BEAN1: variants seen among roughly 807,000 people sequenced by gnomAD.
BEAN1 encodes the protein protein BEAN1.
Under a neutral mutation model 17.7 loss-of-function variants are expected in BEAN1, and 17 were observed. That is an observed-to-expected ratio of 0.96 (90% confidence interval 0.66 to 1.44). The LOEUF is 1.44. Among genes scored for constraint, BEAN1 ranks in the 40% most tolerant of loss-of-function variants. The pLI, the probability that BEAN1 is intolerant of heterozygous loss-of-function variation, is 0.00. For synonymous variants in BEAN1, 142 were observed against 151.8 expected, an observed-to-expected ratio of 0.94 and a Z score of 0.47; for missense variants, 359 against 374.1, an observed-to-expected ratio of 0.96 and a Z score of 0.33.
At chr16:66,474,743 GAGAAAGAA>G (rs199517876) in intron 3 of BEAN1, among the ~76,000 whole-genome samples, 26 of 151,704 alleles carry the variant, frequency 1.7e-4, no homozygotes, top group Admixed American at 7.3e-4. Flanking sequence ...AGAAAGGAAA[GAGAAAGAA>G]AGAAAGAAAG....
At chr16:66,466,861 G>A (rs541785090) in intron 2 of BEAN1, among the ~76,000 whole-genome samples, 6 of 152,300 alleles carry the variant, frequency 3.9e-5, no homozygotes, top group African/African-American at 1.2e-4. Flanking sequence ...GAGCCACTGC[G>A]CCCAGCCTGC....
Position 66,434,209 on chromosome 16 carries a change from C to T in BEAN1, c.-82-3386C>T, listed in dbSNP as rs1961921100. On this transcript the variant is annotated intron_variant, in intron 1 of 4. Transcript: ENST00000536005. The surrounding 1 kb of genome is among the most constrained non-coding windows in gnomAD (Gnocchi z 4.3). ...CCTAGCAGCTGGGGTGGGCCTGCCC[C>T]CGACCCCGACCCCAACCCCGACCCC... 1.3e-5 allele frequency among the ~76,000 whole-genome samples: 2 copies of T among 150,990 alleles called. No homozygotes were observed. Among genetic ancestry groups the T allele is most frequent in the African/African-American group, 4.9e-5 (2 of 40,820 alleles).
chr16:66,450,234 G>A (rs1017331651), intron 2 of BEAN1, among the ~76,000 whole-genome samples: 18 of 152,198 alleles, frequency 1.2e-4, no homozygotes, highest in African/African-American at 4.3e-4. Flanking sequence ...GAGAGCCGTG[G>A]GGATGGCAAG....
chr16:66,450,229 C>G (rs1292168990), intron 2 of BEAN1, among the ~76,000 whole-genome samples: 3 of 152,128 alleles, frequency 2.0e-5, no homozygotes, highest in African/African-American at 7.2e-5. Context: ...ATTACGAGAG[C>G]CGTGGGGATG....
intron 4 of BEAN1, among the ~76,000 whole-genome samples, chr16:66,479,545 A>AACACACAC (rs147401996): frequency 6.6e-6 from 1 of 151,466 alleles, no homozygotes; most frequent in Non-Finnish European, 1.5e-5. Flanking sequence ...TCCCCCTCCA[A>AACACACAC]ACACACACAC....
At chr16:66,483,438 G>T (rs1234550357), downstream of BEAN1, 1 of 153,184 alleles carries the variant, frequency 6.5e-6, no homozygotes, top group Non-Finnish European at 1.5e-5. Context: ...TACTCTAACA[G>T]GAGTTGGCTT....
rs560577711 is a variant in BEAN1 at position 66,436,266 on chromosome 16, C to CTTTT, written c.-82-1313_-82-1310dup. On this transcript the variant is annotated intron_variant, in intron 1 of 4. Transcript: ENST00000536005. The stretch of plus-strand genomic sequence containing the variant: ...GAGAATGGGCTACTTTTTTTCTTTT[C>CTTTT]TTTTTTTTTTTTTTTTTTTGAGACA... Among the ~76,000 whole-genome samples, 191 of 120,596 alleles carry CTTTT rather than the reference C, an allele frequency of 1.6e-3. 4 individuals carry two copies. Among genetic ancestry groups the CTTTT allele is most frequent in the South Asian group, 3.7e-3 (13 of 3,500 alleles). The allele number at this position is 120,596 out of a possible 152,430, so 79.1% of individuals were successfully genotyped here.
chr16:66,454,002 G>A (rs1962775694), intron 2 of BEAN1, among the ~76,000 whole-genome samples: 1 of 152,216 alleles, frequency 6.6e-6, no homozygotes, highest in East Asian at 1.9e-4. Context: ...CCAAAGTGCT[G>A]GGATTCCAGG....
chr16:66,488,829 A>G (rs1964125722), intron 4 of BEAN1, among the ~76,000 whole-genome samples: 1 of 152,190 alleles, frequency 6.6e-6, no homozygotes, highest in Non-Finnish European at 1.5e-5. Context: ...ATTCTCCCCA[A>G]AGGAACAAGC....
chr16:66,436,246 T>C (rs901486691), intron 1 of BEAN1, among the ~76,000 whole-genome samples: 8 of 151,074 alleles, frequency 5.3e-5, no homozygotes, highest in Admixed American at 2.0e-4. Flanking sequence ...CATGGGAGAA[T>C]GGGCTACTTT....
intron 2 of BEAN1, among the ~76,000 whole-genome samples, chr16:66,455,842 A>G (rs55976076): frequency 0.12 from 18,696 of 152,156 alleles, 1,316 homozygotes; most frequent in South Asian, 0.25. Context: ...ACACGCCACC[A>G]TGCCCAACTA....
At chr16:66,428,880 C>A (rs1188600777) in intron 1 of BEAN1, among the ~76,000 whole-genome samples, 1 of 152,136 alleles carries the variant, frequency 6.6e-6, no homozygotes, top group Non-Finnish European at 1.5e-5. Context: ...TAGGGCCCAC[C>A]CTTTCTCAGA....
At chr16:66,461,026 G>T (rs1377422942) in intron 2 of BEAN1, among the ~76,000 whole-genome samples, 1 of 152,136 alleles carries the variant, frequency 6.6e-6, no homozygotes, top group Admixed American at 6.5e-5. Flanking sequence ...ACTCATGCTG[G>T]CATTGGGGGG....
At chr16:66,457,841 GCCCTGCCATGTC>G (rs1962931816) in intron 2 of BEAN1, among the ~76,000 whole-genome samples, 1 of 151,140 alleles carries the variant, frequency 6.6e-6, no homozygotes, top group South Asian at 2.1e-4. Flanking sequence ...AATGAGCCCT[GCCCTGCCATGTC>G]CCCTCCCCCA....
chr16:66,441,740 C>T (rs1326772624), intron 2 of BEAN1, among the ~76,000 whole-genome samples: 1 of 152,176 alleles, frequency 6.6e-6, no homozygotes, highest in South Asian at 2.1e-4. Flanking sequence ...TGAGCGGCAC[C>T]AGCCCACCTG....
chr16:66,474,589 G>A (rs1317193943), intron 3 of BEAN1, among the ~76,000 whole-genome samples: 15 of 23,158 alleles, frequency 6.5e-4, no homozygotes, highest in East Asian at 1.6e-3. Flanking sequence ...AGAGAGGGAG[G>A]GAGGGAGGGA....
At chr16:66,448,832 AAAAG>A (rs998296397) in intron 2 of BEAN1, among the ~76,000 whole-genome samples, 6 of 152,314 alleles carry the variant, frequency 3.9e-5, no homozygotes, top group African/African-American at 7.2e-5. Context: ...AAAGAAAAGA[AAAAG>A]AAAGAAAGAA....
Position 66,481,280 on chromosome 16 carries a change from T to A in BEAN1, c.*355T>A. ...AGAGAGGCGAAGTAGGAAGTGGGAT[T>A]TTCTCTTCCCTCTCCTGGGCCCGTT... On this transcript the variant is annotated 3_prime_UTR_variant, in exon 5 of 5. Transcript: ENST00000536005. This position sits in a 1 kb window ranked among gnomAD's most constrained non-coding sequence, Gnocchi z 4.1. 2 of 399,452 alleles carry A rather than the reference T, an allele frequency of 5.0e-6. No individual in the cohort carries two copies. The highest frequency in any genetic ancestry group is 8.8e-6 in the Non-Finnish European group (2 of 226,682). The allele number at this position is 399,452 out of a possible 1,614,324, so 24.7% of individuals were successfully genotyped here. A position where few individuals can be genotyped will look rare whatever the true frequency, so the allele number is the denominator to read the frequency against.
intron 2 of BEAN1, among the ~76,000 whole-genome samples, chr16:66,450,727 C>G (rs564249295): frequency 1.3e-5 from 2 of 150,136 alleles, no homozygotes; most frequent in South Asian, 4.2e-4. Context: ...GACCCTGTCT[C>G]AAAAATCAAA....
Sources: allele counts gnomAD v4.1 joint callset (sites outside exome capture counted in the v4.1 genomes callset), GRCh38; gene constraint gnomAD v4.1.1; non-coding constraint Gnocchi (gnomAD v3.1); transcripts MANE v1.5; gene names NCBI Gene and HGNC (gene_info 2026-07-23, HGNC 2026-07-21).